The following MCC variants were observed in gnomAD, a reference collection of about 807,000 sequenced individuals.
The protein encoded by MCC is MCC regulator of Wnt signaling pathway, also known as colorectal mutant cancer protein.
MCC carries 90 observed loss-of-function variants against 116.2 expected under a neutral mutation model. The ratio of observed to expected loss-of-function variants is 0.77; its 90% CI spans 0.65 to 0.92. The LOEUF (loss-of-function observed/expected upper bound fraction) is 0.92, where lower values mean the gene tolerates loss of function less well. Ranked by LOEUF, MCC falls within the 40% of genes least tolerant of loss-of-function variation. The pLI, the probability that MCC is intolerant of heterozygous loss-of-function variation, is 0.00. For missense variants in MCC, 1,516 were observed against 1,312.2 expected (o/e 1.16, Z -2.40); for synonymous variants, 578 against 510.5 (o/e 1.13, Z -1.78).
chr5:113,067,313 G>A (rs1014348350), intron 13 of MCC, among the ~76,000 whole-genome samples: 4 of 152,250 alleles, frequency 2.6e-5, no homozygotes, highest in East Asian at 1.9e-4. Flanking sequence ...TTCTTTGTTC[G>A]TAAGACACCT....
intron 3 of MCC, among the ~76,000 whole-genome samples, chr5:113,327,561 A>AAAAATATATATATATAT (rs1480996383): frequency 1.4e-4 from 11 of 80,552 alleles, no homozygotes; most frequent in African/African-American, 2.5e-4. Context: ...AAAAAAAAAA[A>AAAAATATATATATATAT]ATATATATAT....
chr5:113,476,524 A>G (rs1269377818), intron 1 of MCC, among the ~76,000 whole-genome samples: 1 of 152,248 alleles, frequency 6.6e-6, no homozygotes, highest in African/African-American at 2.4e-5. Flanking sequence ...TCTTCACACC[A>G]TACACAAAAA....
intron 17 of MCC, among the ~76,000 whole-genome samples, chr5:113,041,625 T>C (rs763744725): frequency 6.6e-6 from 1 of 152,106 alleles, no homozygotes; most frequent in Non-Finnish European, 1.5e-5. Context: ...GCTTCTGATA[T>C]GACCCAGCTG....
intron 1 of MCC, among the ~76,000 whole-genome samples, chr5:113,407,102 T>G (rs955796741): frequency 6.6e-6 from 1 of 152,168 alleles, no homozygotes; most frequent in African/African-American, 2.4e-5. Context: ...TTATCTACAG[T>G]GCTTATAACT....
chr5:113,192,649 C>T (rs533779577), intron 3 of MCC, among the ~76,000 whole-genome samples: 15 of 152,322 alleles, frequency 9.8e-5, no homozygotes, highest in African/African-American at 3.4e-4. Context: ...ATGGGAGTTA[C>T]ACCTCCTTTT....
At chr5:113,028,685 A>G (rs1431493832) in intron 18 of MCC, among the ~76,000 whole-genome samples, 1 of 152,230 alleles carries the variant, frequency 6.6e-6, no homozygotes, top group Non-Finnish European at 1.5e-5. Flanking sequence ...GGCATATACC[A>G]CAGTATGCTA....
At chr5:113,230,656 G>A (rs1484024031) in intron 3 of MCC, among the ~76,000 whole-genome samples, 1 of 152,056 alleles carries the variant, frequency 6.6e-6, no homozygotes, top group Non-Finnish European at 1.5e-5. Context: ...TTTGGAAAAA[G>A]GTTTACTCTT....
intron 11 of MCC, 129 bp from the exon 12 acceptor site, chr5:113,071,363 A>G (rs1206385653): frequency 1.2e-5 from 11 of 926,174 alleles, no homozygotes; most frequent in African/African-American, 1.7e-5. Context: ...TAGCTGACAC[A>G]GTATTTTGTC....
chr5:113,116,334 T>C (rs148502159), intron 6 of MCC, among the ~76,000 whole-genome samples: 6 of 152,284 alleles, frequency 3.9e-5, no homozygotes, highest in African/African-American at 1.2e-4. Context: ...GTAACAACAC[T>C]AGCAAGGTCC....
chr5:113,311,175 A>C (rs1407948046), intron 3 of MCC, among the ~76,000 whole-genome samples: 1 of 152,178 alleles, frequency 6.6e-6, no homozygotes, highest in African/African-American at 2.4e-5. Flanking sequence ...TTAAACTTAG[A>C]GTCAGTTTGT....
At chr5:113,121,876 T>C (rs1405683882) in intron 6 of MCC, among the ~76,000 whole-genome samples, 1 of 150,850 alleles carries the variant, frequency 6.6e-6, no homozygotes, top group East Asian at 1.9e-4. Context: ...GGGATCACCT[T>C]AGCTCAGATA....
chr5:113,396,210 C>G (rs1159140420), intron 1 of MCC, among the ~76,000 whole-genome samples: 1 of 152,120 alleles, frequency 6.6e-6, no homozygotes, highest in Non-Finnish European at 1.5e-5. Context: ...TGCCTGTAGT[C>G]CCGGCTACTT....
At chr5:113,472,132 C>G (rs1772111395) in intron 1 of MCC, among the ~76,000 whole-genome samples, 1 of 152,150 alleles carries the variant, frequency 6.6e-6, no homozygotes, top group Non-Finnish European at 1.5e-5. Context: ...ATGCCTTGCT[C>G]TGCTTTGGCT....
At chr5:113,275,023 A>G (rs1358385417) in intron 3 of MCC, among the ~76,000 whole-genome samples, 2 of 152,182 alleles carry the variant, frequency 1.3e-5, no homozygotes, top group African/African-American at 4.8e-5. Context: ...CAGCTTGCAA[A>G]TGCTTCACTC....
At chr5:113,483,537 T>C (rs1772434281) in intron 1 of MCC, among the ~76,000 whole-genome samples, 1 of 152,212 alleles carries the variant, frequency 6.6e-6, no homozygotes, top group African/African-American at 2.4e-5. Context: ...TTTTTGTATA[T>C]TTCTATATGT....
At chr5:113,208,883 C>T (rs1561458854) in intron 3 of MCC, among the ~76,000 whole-genome samples, 1 of 152,200 alleles carries the variant, frequency 6.6e-6, no homozygotes, top group African/African-American at 2.4e-5. Flanking sequence ...CAATATATTA[C>T]AATTCGCTAG....
At chr5:113,132,421 C>A (rs1344068417) in intron 5 of MCC, among the ~76,000 whole-genome samples, 1 of 118,722 alleles carries the variant, frequency 8.4e-6, no homozygotes, top group African/African-American at 3.6e-5. Flanking sequence ...TATATATACA[C>A]ACATACATAT....
Position 113,101,773 on chromosome 5 carries a change from G to A in MCC, c.1364C>T (p.Ala455Val). Residue 455 changes from alanine (A) to valine (V), a missense_variant, in exon 8 of 19, where the codon GCC becomes GTC. Ala to Val is a moderately conservative substitution (Grantham distance 64). Coordinates refer to ENST00000408903, the MANE Select transcript of MCC (RefSeq NM_001085377.2). ...ELNRTKATMN[A>V]IREERDRLRR... ...GAGCCGGTCCCGCTCTTCCCGGATG[G>A]CATTCATGGTGGCCTTAGTCCGGTT... 6.2e-7 allele frequency: 1 copy of A among 1,613,342 alleles called. No homozygotes were observed. Among genetic ancestry groups the A allele is most frequent in the Non-Finnish European group, 8.5e-7 (1 of 1,180,016 alleles).
At chr5:113,076,964 C>G (rs933937239) in intron 11 of MCC, among the ~76,000 whole-genome samples, 3 of 152,166 alleles carry the variant, frequency 2.0e-5, no homozygotes, top group African/African-American at 7.2e-5. Flanking sequence ...GGAGGAAGAT[C>G]TACCAAGCAA....
Sources: gnomAD v4.1 joint callset for allele counts (sites outside exome capture counted in the v4.1 genomes callset) on GRCh38, gnomAD v4.1.1 for gene constraint, MANE v1.5 for transcripts, NCBI Gene and HGNC (gene_info 2026-07-23, HGNC 2026-07-21) for gene names.